KDM6A: variants seen among roughly 807,000 people sequenced by gnomAD.
The protein encoded by KDM6A is lysine demethylase 6A, also known as lysine-specific demethylase 6A.
A neutral mutation model predicts 117.6 loss-of-function variants in KDM6A; 11 were observed. The ratio of observed to expected loss-of-function variants is 0.09; its 90% CI spans 0.06 to 0.15. The LOEUF (loss-of-function observed/expected upper bound fraction) is 0.15. Ranked by LOEUF, KDM6A falls within the 10% of genes least tolerant of loss-of-function variation. The pLI is 1.00. For missense variants in KDM6A, 799 were observed against 1,077.3 expected (o/e 0.74, Z 3.62); for synonymous variants, 384 against 396.1 (o/e 0.97, Z 0.36).
rs2148121576 is a variant in KDM6A, at chrX:45,079,315, A to G, written c.3264A>G (p.Ala1088=). ...NRSHTTIAKY[A]QYQASSFQES... The stretch of plus-strand genomic sequence containing the variant: ...CTCATACTACAATTGCTAAATATGC[A>G]CAGTACCAGGCCTCCTCATTCCAGG... The change falls in exon 21 of 30, where the codon GCA becomes GCG. Residue 1088 remains alanine (A), a synonymous_variant. Coordinates refer to ENST00000611820, the MANE Select transcript of KDM6A (RefSeq NM_001291415.2). 1 of 1,193,207 alleles carries G rather than the reference A, an allele frequency of 8.4e-7. No individual in the cohort carries two copies.
chrX:44,890,155 A>G (rs1158716097), intron 2 of KDM6A, among the ~76,000 whole-genome samples: 1 of 112,392 alleles, frequency 8.9e-6, no homozygotes, highest in Non-Finnish European at 1.9e-5. Flanking sequence ...CAGGAATGTT[A>G]TATAAGTGGG....
At chrX:44,979,777 A>C (rs1432979750) in intron 4 of KDM6A, among the ~76,000 whole-genome samples, 1 of 108,809 alleles carries the variant, frequency 9.2e-6, no homozygotes, top group Admixed American at 9.9e-5. Context: ...ATAGCTACCT[A>C]GTTTTTCCAG....
chrX:44,924,019 G>A (rs1350113366), intron 2 of KDM6A, among the ~76,000 whole-genome samples: 3 of 111,878 alleles, frequency 2.7e-5, no homozygotes, highest in African/African-American at 6.5e-5. Flanking sequence ...CACTGTGCCC[G>A]GCCTAATCTC....
intron 2 of KDM6A, among the ~76,000 whole-genome samples, chrX:44,903,943 G>A (rs1045575427): frequency 3.6e-5 from 4 of 111,704 alleles, no homozygotes; most frequent in African/African-American, 1.3e-4. Flanking sequence ...TGTCTAGTAA[G>A]CTCATCTGGG....
chrX:44,963,479 G>GTCTGTC (rs1217912003), intron 3 of KDM6A, among the ~76,000 whole-genome samples: 153 of 25,544 alleles, frequency 6.0e-3, no homozygotes, highest in South Asian at 0.017. Context: ...GTGTGTGTGT[G>GTCTGTC]TGTGTGTCTG....
At chrX:44,956,151 T>G (rs868771005) in intron 2 of KDM6A, among the ~76,000 whole-genome samples, 3 of 111,623 alleles carry the variant, frequency 2.7e-5, no homozygotes, top group South Asian at 3.7e-4. Context: ...TTGATTTTCC[T>G]CAGTTAAACT....
At chrX:44,951,263 C>G (rs967994122) in intron 2 of KDM6A, among the ~76,000 whole-genome samples, 2 of 111,452 alleles carry the variant, frequency 1.8e-5, no homozygotes, top group Non-Finnish European at 3.8e-5. Context: ...AGCGTTATTC[C>G]TAACATTTGC....
rs776667031 is a variant in KDM6A, at chrX:45,051,806, T to A, written c.748+4T>A. 6 of 1,032,879 alleles carry A rather than the reference T, an allele frequency of 5.8e-6. No homozygotes were observed. In the East Asian group the frequency reaches 1.8e-4, roughly 31 times the overall value. The allele number at this position is 1,032,879 out of a possible 1,213,427, so 85.1% of individuals were successfully genotyped here. A position where few individuals can be genotyped will look rare whatever the true frequency, so the allele number is the denominator to read the frequency against. On this transcript the variant is annotated splice_donor_region_variant and intron_variant, in intron 9 of 29. Coordinates refer to ENST00000611820, the MANE Select transcript of KDM6A (RefSeq NM_001291415.2). Reference sequence around the variant, plus strand: ...GCAACTGTCTTACAACAGTTAGGTATGTAATAGTATACATTTAGTGTATTA... The same window carrying A: ...GCAACTGTCTTACAACAGTTAGGTAAGTAATAGTATACATTTAGTGTATTA...
chrX:44,947,215 C>A (rs948710075), intron 2 of KDM6A, among the ~76,000 whole-genome samples: 1 of 110,195 alleles, frequency 9.1e-6, no homozygotes, highest in Non-Finnish European at 1.9e-5. Context: ...AAGACTTTTG[C>A]GGGGGAGATC....
intron 17 of KDM6A, among the ~76,000 whole-genome samples, chrX:45,065,808 T>C (rs2044507070): frequency 8.9e-6 from 1 of 111,769 alleles, no homozygotes; most frequent in African/African-American, 3.2e-5. Context: ...CAGAGAAGAA[T>C]AGAAGAGATT....
At chrX:45,033,517 T>C (rs912025720) in intron 6 of KDM6A, among the ~76,000 whole-genome samples, 1 of 111,603 alleles carries the variant, frequency 9.0e-6, no homozygotes, top group Non-Finnish European at 1.9e-5. Context: ...ATATTACAAG[T>C]GTTGGTCAGC....
At chrX:45,010,203 C>T (rs919408759) in intron 4 of KDM6A, among the ~76,000 whole-genome samples, 2 of 110,343 alleles carry the variant, frequency 1.8e-5, no homozygotes, top group African/African-American at 6.6e-5. Context: ...GGCATGGTGT[C>T]ACATGCCTTT....
At chrX:45,040,301 G>T (rs1272452441) in intron 8 of KDM6A, among the ~76,000 whole-genome samples, 2 of 99,019 alleles carry the variant, frequency 2.0e-5, no homozygotes, top group Non-Finnish European at 4.2e-5. Flanking sequence ...CCCGGACGGG[G>T]CGGCTGGCCG....
chrX:44,960,967 G>A (rs1451506149), intron 2 of KDM6A, among the ~76,000 whole-genome samples: 1 of 111,373 alleles, frequency 9.0e-6, no homozygotes, highest in Non-Finnish European at 1.9e-5. Flanking sequence ...ATATCAACAG[G>A]GACCACAGTA....
intron 4 of KDM6A, among the ~76,000 whole-genome samples, chrX:44,988,867 TGAG>T (rs908121136): frequency 2.7e-5 from 3 of 110,782 alleles, no homozygotes; most frequent in African/African-American, 9.9e-5. Flanking sequence ...GGGACCCACT[TGAG>T]GAGGCAGTCT....
At chrX:45,055,103 A>G (rs2044017281) in intron 10 of KDM6A, among the ~76,000 whole-genome samples, 1 of 111,198 alleles carries the variant, frequency 9.0e-6, no homozygotes, top group African/African-American at 3.3e-5. Flanking sequence ...TTCCAATTTT[A>G]TGACTTCTTT....
intron 18 of KDM6A, among the ~76,000 whole-genome samples, chrX:45,076,037 A>G (rs1025940736): frequency 2.7e-5 from 3 of 111,574 alleles, no homozygotes; most frequent in South Asian, 7.3e-4. Context: ...GAATAATTCT[A>G]CACTATCTTA....
chrX:44,998,420 C>G (rs1166237021), intron 4 of KDM6A, among the ~76,000 whole-genome samples: 1 of 111,710 alleles, frequency 9.0e-6, no homozygotes, highest in African/African-American at 3.3e-5. Flanking sequence ...ATTAGACTTT[C>G]TTGTTCAGTG....
intron 2 of KDM6A, among the ~76,000 whole-genome samples, chrX:44,937,144 G>A (rs1167975738): frequency 9.1e-6 from 1 of 109,976 alleles, no homozygotes; most frequent in Non-Finnish European, 1.9e-5. Flanking sequence ...TGAGGATGTG[G>A]CATTATAAAA....
Sources: allele counts gnomAD v4.1 joint callset (sites outside exome capture counted in the v4.1 genomes callset), GRCh38; gene constraint gnomAD v4.1.1; transcripts MANE v1.5; gene names NCBI Gene and HGNC (gene_info 2026-07-23, HGNC 2026-07-21).